The following CNTNAP2 variants were observed in gnomAD, a reference collection of about 807,000 sequenced individuals.
The protein encoded by CNTNAP2 is contactin-associated protein-like 2.
CNTNAP2 carries 98 observed loss-of-function variants against 155.2 expected under a neutral mutation model. The observed-to-expected ratio is 0.63, with a 90% CI of 0.54 to 0.75. The LOEUF is 0.75. Among genes scored for constraint, CNTNAP2 ranks in the 30% least tolerant of loss-of-function variants. CNTNAP2 has a pLI of 0.00. For missense variants in CNTNAP2, 1,727 were observed against 1,688.1 expected (o/e 1.02, Z -0.40); for synonymous variants, 651 against 631.2 (o/e 1.03, Z -0.47).
intron 1 of CNTNAP2, among the ~76,000 whole-genome samples, chr7:146,703,399 T>A (rs571466748): frequency 6.6e-6 from 1 of 152,258 alleles, no homozygotes; most frequent in South Asian, 2.1e-4. Context: ...GATAAATAAC[T>A]CTGTCATGCT....
chr7:146,908,899 C>T (rs1271153724), intron 3 of CNTNAP2, among the ~76,000 whole-genome samples: 2 of 148,196 alleles, frequency 1.3e-5, no homozygotes, highest in Non-Finnish European at 3.0e-5. Context: ...AATTGATAGA[C>T]CACTAGCAAG....
intron 1 of CNTNAP2, among the ~76,000 whole-genome samples, chr7:146,308,500 A>G (rs1800760545): frequency 6.6e-6 from 1 of 152,126 alleles, no homozygotes; most frequent in Admixed American, 6.5e-5. Context: ...AAGATTATAA[A>G]TCATGCTGCT....
At chr7:147,994,335 C>A (rs1487506630) in intron 15 of CNTNAP2, among the ~76,000 whole-genome samples, 1 of 148,626 alleles carries the variant, frequency 6.7e-6, no homozygotes, top group Non-Finnish European at 1.5e-5. Flanking sequence ...TGTGCCACTG[C>A]ACTACAGCTT....
At chr7:146,578,547 G>T (rs117767497) in intron 1 of CNTNAP2, among the ~76,000 whole-genome samples, 2,491 of 152,214 alleles carry the variant, frequency 0.016, 50 homozygotes, top group Middle Eastern at 0.021. Context: ...GATTCCGTAA[G>T]AGGTTACAGT....
intron 1 of CNTNAP2, among the ~76,000 whole-genome samples, chr7:146,626,695 A>G (rs6950192): frequency 0.034 from 5,162 of 152,298 alleles, 291 homozygotes; most frequent in African/African-American, 0.12. Context: ...CATAAAAAGT[A>G]AAAAGATACA....
chr7:148,185,235 T>C (rs1378908844), intron 18 of CNTNAP2, among the ~76,000 whole-genome samples: 5 of 152,222 alleles, frequency 3.3e-5, no homozygotes, highest in Admixed American at 3.3e-4. Flanking sequence ...ACTGTATTCA[T>C]AGTCAGCCAA....
At chr7:148,256,649 C>T (rs1585221192) in intron 20 of CNTNAP2, among the ~76,000 whole-genome samples, 3 of 152,096 alleles carry the variant, frequency 2.0e-5, no homozygotes, top group South Asian at 2.1e-4. Context: ...TCAGGTGATT[C>T]GGGTTTGGAG....
intron 13 of CNTNAP2, among the ~76,000 whole-genome samples, chr7:147,784,190 A>G (rs1398885409): frequency 2.0e-5 from 3 of 151,790 alleles, no homozygotes; most frequent in Admixed American, 2.0e-4. Flanking sequence ...GCTCGTCCTA[A>G]CTACATTTGC....
intron 12 of CNTNAP2, among the ~76,000 whole-genome samples, chr7:147,633,424 C>T (rs1043902252): frequency 6.6e-6 from 1 of 152,164 alleles, no homozygotes; most frequent in Admixed American, 6.5e-5. Flanking sequence ...GGTTGGAGCC[C>T]CCACACAAGA....
chr7:147,932,778 T>A (rs144238949), intron 14 of CNTNAP2, among the ~76,000 whole-genome samples: 1 of 152,164 alleles, frequency 6.6e-6, no homozygotes, highest in African/African-American at 2.4e-5. Flanking sequence ...AAAGGCAACC[T>A]GTAGAATGAG....
intron 1 of CNTNAP2, among the ~76,000 whole-genome samples, chr7:146,678,537 A>G (rs181100104): frequency 6.6e-6 from 1 of 152,134 alleles, no homozygotes; most frequent in Non-Finnish European, 1.5e-5. Flanking sequence ...GAAAATTTGC[A>G]TATATAATTT....
At chr7:146,120,655 A>G (rs1797548336) in intron 1 of CNTNAP2, among the ~76,000 whole-genome samples, 2 of 152,192 alleles carry the variant, frequency 1.3e-5, no homozygotes, top group African/African-American at 4.8e-5. Flanking sequence ...GTGGTTCCAT[A>G]AAATTATAAT....
At chr7:147,105,784 G>A (rs971495222) in intron 4 of CNTNAP2, among the ~76,000 whole-genome samples, 4 of 152,034 alleles carry the variant, frequency 2.6e-5, no homozygotes, top group African/African-American at 9.7e-5. Flanking sequence ...GGGAAAATAT[G>A]TTGAAACTTT....
chr7:147,019,437 A>G (rs1000054205), intron 3 of CNTNAP2, among the ~76,000 whole-genome samples: 2 of 152,156 alleles, frequency 1.3e-5, no homozygotes, highest in Admixed American at 6.6e-5. Flanking sequence ...GCAAAAATAA[A>G]CAAACACAAA....
At chr7:146,980,443 G>A (rs1369026584) in intron 3 of CNTNAP2, among the ~76,000 whole-genome samples, 1 of 152,158 alleles carries the variant, frequency 6.6e-6, no homozygotes, top group Non-Finnish European at 1.5e-5. Flanking sequence ...TTGGCAGGGA[G>A]CTTTGTAATA....
rs753198960 is a variant in CNTNAP2 at position 147,569,002 on chromosome 7, G to A, written c.1897+6745G>A. 7.9e-5 allele frequency among the ~76,000 whole-genome samples: 12 copies of A among 152,016 alleles called. No homozygotes were observed. The East Asian group carries it at 1.2e-3, about 15-fold the overall frequency. ...TAAGCAAGCATCTGTGCTCTAGTGCGTGAAGTTTAAAGTCCAAATAAAGTA... is the reference window on the plus strand; with the variant it reads ...TAAGCAAGCATCTGTGCTCTAGTGCATGAAGTTTAAAGTCCAAATAAAGTA... On this transcript the variant is annotated intron_variant, in intron 12 of 23. Transcript: ENST00000361727.
chr7:147,929,266 G>A (rs796613297), intron 14 of CNTNAP2, among the ~76,000 whole-genome samples: 4 of 152,102 alleles, frequency 2.6e-5, no homozygotes, highest in African/African-American at 9.6e-5. Flanking sequence ...TTTTAGAAAG[G>A]GATAGAAGAG....
intron 4 of CNTNAP2, among the ~76,000 whole-genome samples, chr7:147,105,102 A>G (rs1382899789): frequency 6.6e-6 from 1 of 151,400 alleles, no homozygotes; most frequent in East Asian, 1.9e-4. Context: ...AATAAAATAT[A>G]TAGCAAAGAT....
chr7:147,349,393 T>G (rs1181237804), intron 9 of CNTNAP2, among the ~76,000 whole-genome samples: 1 of 151,984 alleles, frequency 6.6e-6, no homozygotes, highest in South Asian at 2.1e-4. Context: ...ATTTCAACTC[T>G]AAAAATATAC....
Sources: gnomAD v4.1 joint callset for allele counts (sites outside exome capture counted in the v4.1 genomes callset) on GRCh38, gnomAD v4.1.1 for gene constraint, MANE v1.5 for transcripts, NCBI Gene and HGNC (gene_info 2026-07-23, HGNC 2026-07-21) for gene names.